Variants in CFAP299 observed in about 807,000 individuals in gnomAD.
The protein encoded by CFAP299 is cilia- and flagella-associated protein 299.
In CFAP299, 21 loss-of-function variants were observed where a neutral mutation model predicts 27.0. That is an observed-to-expected ratio of 0.78 (90% confidence interval 0.55 to 1.12). The LOEUF (loss-of-function observed/expected upper bound fraction) is 1.12, where lower values mean the gene tolerates loss of function less well. CFAP299 is among the 50% of genes most tolerant of loss of function. The pLI, the probability that CFAP299 is intolerant of heterozygous loss-of-function variation, is 0.00. For missense variants in CFAP299, 310 were observed against 276.6 expected, an observed-to-expected ratio of 1.12 and a Z score of -0.86; for synonymous variants, 104 against 98.1, an observed-to-expected ratio of 1.06 and a Z score of -0.36.
chr4:80,924,538 G>GTGTGTATGTATA (rs5859742), intron 4 of CFAP299, among the ~76,000 whole-genome samples: 3 of 131,670 alleles, frequency 2.3e-5, no homozygotes, highest in Non-Finnish European at 4.8e-5. Flanking sequence ...GTGTGTGTGT[G>GTGTGTATGTATA]TATATATATA....
intron 3 of CFAP299, among the ~76,000 whole-genome samples, chr4:80,590,932 G>A (rs1397200404): frequency 6.6e-6 from 1 of 151,874 alleles, no homozygotes; most frequent in African/African-American, 2.4e-5. Context: ...TCCAATATGG[G>A]AGAATGTTAA....
intron 2 of CFAP299, among the ~76,000 whole-genome samples, chr4:80,420,672 A>T (rs1367389877): frequency 1.3e-5 from 2 of 151,988 alleles, no homozygotes; most frequent in Admixed American, 6.6e-5. Context: ...TTTATCCCTT[A>T]TCAGATGTAT....
At chr4:80,644,877 G>A (rs62305197) in intron 3 of CFAP299, among the ~76,000 whole-genome samples, 2,816 of 152,142 alleles carry the variant, frequency 0.019, 46 homozygotes, top group Non-Finnish European at 0.03. Flanking sequence ...AAAAATATGA[G>A]CAGAAAAAAA....
At chr4:80,672,692 G>T (rs1485906954) in intron 3 of CFAP299, among the ~76,000 whole-genome samples, 1 of 152,150 alleles carries the variant, frequency 6.6e-6, no homozygotes, top group Admixed American at 6.5e-5. Flanking sequence ...CCTGTTATTG[G>T]TCTATTCAGA....
At chr4:80,943,270 G>A (rs1430773960) in intron 4 of CFAP299, among the ~76,000 whole-genome samples, 1 of 151,748 alleles carries the variant, frequency 6.6e-6, no homozygotes, top group Non-Finnish European at 1.5e-5. Context: ...TCACTGATAC[G>A]CCCCCCTCCC....
intron 2 of CFAP299, among the ~76,000 whole-genome samples, chr4:80,499,440 T>A (rs1214451655): frequency 2.0e-5 from 3 of 152,166 alleles, no homozygotes; most frequent in Non-Finnish European, 4.4e-5. Flanking sequence ...TGACAGATAT[T>A]TTTTCCATGT....
At chr4:80,958,371 A>G (rs1232485901) in intron 5 of CFAP299, among the ~76,000 whole-genome samples, 1 of 152,156 alleles carries the variant, frequency 6.6e-6, no homozygotes, top group African/African-American at 2.4e-5. Context: ...AATTTGTACA[A>G]TTACATCCTG....
At chr4:80,899,240 G>A (rs1734763469) in intron 4 of CFAP299, among the ~76,000 whole-genome samples, 1 of 152,160 alleles carries the variant, frequency 6.6e-6, no homozygotes, top group Non-Finnish European at 1.5e-5. Flanking sequence ...CTATTATCAT[G>A]AACATTTCCG....
At chr4:80,325,225 T>C in the CFAP299 span, among the ~76,000 whole-genome samples, 13 of 152,256 alleles carry the variant, frequency 8.5e-5, no homozygotes, top group Admixed American at 8.5e-4. Flanking sequence ...CATATTTGTG[T>C]TGTGTCTATT....
intron 3 of CFAP299, among the ~76,000 whole-genome samples, chr4:80,750,747 A>G (rs1724885805): frequency 6.6e-6 from 1 of 152,190 alleles, no homozygotes; most frequent in African/African-American, 2.4e-5. Flanking sequence ...GGATTTTGTG[A>G]GACTCTACTT....
At chr4:80,576,762 A>C (rs572025864) in intron 2 of CFAP299, among the ~76,000 whole-genome samples, 6 of 152,212 alleles carry the variant, frequency 3.9e-5, no homozygotes, top group Non-Finnish European at 8.8e-5. Flanking sequence ...ATTTTAAGGA[A>C]CTAAGGCACA....
At chr4:80,839,344 C>A (rs6829249) in intron 3 of CFAP299, among the ~76,000 whole-genome samples, 2 of 152,062 alleles carry the variant, frequency 1.3e-5, no homozygotes, top group Non-Finnish European at 2.9e-5. Context: ...AAAACACTTA[C>A]TATGTATTAT....
intron 2 of CFAP299, among the ~76,000 whole-genome samples, chr4:80,469,784 T>G (rs1456430116): frequency 6.6e-6 from 1 of 152,166 alleles, no homozygotes; most frequent in Non-Finnish European, 1.5e-5. Flanking sequence ...CGGGGCTGAA[T>G]TTGACACTCA....
intron 2 of CFAP299, among the ~76,000 whole-genome samples, chr4:80,536,514 A>G (rs1323889342): frequency 1.3e-5 from 2 of 152,228 alleles, no homozygotes; most frequent in Non-Finnish European, 1.5e-5. Context: ...CCATAAAAAC[A>G]GATATAAAAA....
At chr4:80,913,495 A>C (rs927573227) in intron 4 of CFAP299, among the ~76,000 whole-genome samples, 33 of 152,150 alleles carry the variant, frequency 2.2e-4, no homozygotes, top group African/African-American at 8.0e-4. Flanking sequence ...TCCCTCCATT[A>C]GTTTGGAAGA....
At chr4:80,732,769 C>T (rs1018692324) in intron 3 of CFAP299, among the ~76,000 whole-genome samples, 50 of 151,988 alleles carry the variant, frequency 3.3e-4, no homozygotes, top group African/African-American at 1.1e-3. Flanking sequence ...ATATGTTCCT[C>T]GTACTAGAAA....
chr4:80,872,314 C>G (rs1394475011), intron 4 of CFAP299: 1 of 152,018 alleles, frequency 6.6e-6, no homozygotes, highest in Non-Finnish European at 1.5e-5. Flanking sequence ...ATGGTGTTAG[C>G]ATCTATTATT....
chr4:80,843,546 G>T (rs1187070035), intron 3 of CFAP299, among the ~76,000 whole-genome samples: 2 of 152,106 alleles, frequency 1.3e-5, no homozygotes, highest in Non-Finnish European at 2.9e-5. Context: ...ACATACGTGT[G>T]CATGTGTCTT....
chr4:80,692,086 G>T (rs980299140), intron 3 of CFAP299, among the ~76,000 whole-genome samples: 2 of 152,152 alleles, frequency 1.3e-5, no homozygotes, highest in African/African-American at 4.8e-5. Flanking sequence ...TCATAGGTAG[G>T]AAGAATCAAT....
Sources: allele counts gnomAD v4.1 joint callset (sites outside exome capture counted in the v4.1 genomes callset), GRCh38; gene constraint gnomAD v4.1.1; transcripts MANE v1.5; gene names NCBI Gene and HGNC (gene_info 2026-07-23, HGNC 2026-07-21).